Variants in RNF212 observed in about 807,000 individuals in gnomAD.
RNF212 encodes probable E3 SUMO-protein ligase RNF212.
RNF212 carries 33 observed loss-of-function variants against 34.7 expected under a neutral mutation model. That is an observed-to-expected ratio of 0.95 (90% confidence interval 0.72 to 1.27). RNF212 has a LOEUF of 1.27. Among genes scored for constraint, RNF212 ranks in the 50% most tolerant of loss-of-function variants. RNF212 has a pLI of 0.00. For synonymous variants in RNF212, 140 were observed against 136.1 expected (o/e 1.03, Z -0.20); for missense variants, 377 against 362.2 (o/e 1.04, Z -0.33).
downstream of RNF212, among the ~76,000 whole-genome samples, chr4:1,067,033 A>G (rs1009919883): frequency 2.0e-5 from 3 of 152,160 alleles, no homozygotes; most frequent in Admixed American, 6.5e-5. Context: ...TCCCAACACC[A>G]TTTCTCAAAA....
At chr4:1,097,176 T>C (rs1173110724) in intron 2 of RNF212, among the ~76,000 whole-genome samples, 1 of 152,190 alleles carries the variant, frequency 6.6e-6, no homozygotes, top group African/African-American at 2.4e-5. Flanking sequence ...CCTCCTTTAG[T>C]ATGGAGACAT....
intron 2 of RNF212, 21 bp downstream of exon 2, chr4:1,108,322 A>G: frequency 6.9e-7 from 1 of 1,445,664 alleles, no homozygotes; most frequent in Non-Finnish European, 9.3e-7. Context: ...TAAGATGCAG[A>G]TACGACACAT....
intron 3 of RNF212, among the ~76,000 whole-genome samples, chr4:1,092,610 C>T (rs992412253): frequency 6.6e-6 from 1 of 152,220 alleles, no homozygotes; most frequent in Non-Finnish European, 1.5e-5. Flanking sequence ...TTAAAAGGGA[C>T]AGTGAGTGTT....
rs572248189 is a variant in RNF212, at chr4:1,090,513, C to G, written c.303+269G>C. ...AAACTCCCAAGGCCCCAGTGTTGCC[C>G]CAGGTGGCTGAGGGGATAAGTGTGG... On this transcript the variant is annotated intron_variant, in intron 4 of 9. Coordinates refer to ENST00000433731, the MANE Select transcript of RNF212 (RefSeq NM_001131034.4). Among the ~76,000 whole-genome samples, 6 of 152,294 alleles carry G rather than the reference C, an allele frequency of 3.9e-5. No homozygotes were observed. The East Asian group carries it at 1.2e-3, about 29-fold the overall frequency.
chr4:1,102,026 T>C (rs998260929), intron 2 of RNF212, among the ~76,000 whole-genome samples: 9 of 152,000 alleles, frequency 5.9e-5, no homozygotes, highest in African/African-American at 1.9e-4. Context: ...AATTCAAAGA[T>C]AAAAATATAG....
Position 1,096,805 on chromosome 4 carries a change from A to G in RNF212, c.206T>C (p.Ile69Thr). 1 of 1,613,718 alleles carries G rather than the reference A, an allele frequency of 6.2e-7. No homozygotes were observed. Among genetic ancestry groups the G allele is most frequent in the Non-Finnish European group, 8.5e-7 (1 of 1,179,554 alleles). ...GGAGTACTTCTTACACAGACTGTCTATGCTCATGAAGAATGCCTGGATATC... is the reference window on the plus strand; with the variant it reads ...GGAGTACTTCTTACACAGACTGTCTGTGCTCATGAAGAATGCCTGGATATC... ...DADIQAFFMS[I>T]DSLCKKYSRE... Residue 69 changes from isoleucine to threonine, a missense_variant, in exon 3 of 10, where the codon ATA (isoleucine) becomes ACA (threonine). Coordinates refer to ENST00000433731, the MANE Select transcript of RNF212 (RefSeq NM_001131034.4).
intron 5 of RNF212, among the ~76,000 whole-genome samples, chr4:1,084,804 TTTGCTTGCTG>T (rs1197374228): frequency 1.4e-5 from 2 of 147,188 alleles, no homozygotes; most frequent in Non-Finnish European, 3.0e-5. Flanking sequence ...TGGCCTGGAG[TTTGCTTGCTG>T]ATGCCTGGAA....
intron 2 of RNF212, among the ~76,000 whole-genome samples, chr4:1,108,128 C>T (rs372431632): frequency 5.3e-5 from 8 of 152,306 alleles, no homozygotes; most frequent in African/African-American, 1.9e-4. Context: ...CACGATTCAA[C>T]AACCTAGGAA....
chr4:1,062,181 A>C (rs1364007179), intron 3 of RNF212, among the ~76,000 whole-genome samples: 1 of 152,198 alleles, frequency 6.6e-6, no homozygotes, highest in Non-Finnish European at 1.5e-5. Context: ...CGTTACAAGG[A>C]AAGAAGTGTG....
chr4:1,107,090 C>T (rs909687321), intron 2 of RNF212, among the ~76,000 whole-genome samples: 4 of 151,354 alleles, frequency 2.6e-5, no homozygotes, highest in African/African-American at 4.9e-5. Flanking sequence ...CTTGCTCTGT[C>T]GCCCAGGCTG....
intron 2 of RNF212, among the ~76,000 whole-genome samples, chr4:1,106,136 G>C (rs978162239): frequency 6.6e-6 from 1 of 152,170 alleles, no homozygotes; most frequent in South Asian, 2.1e-4. Flanking sequence ...TGAAGCAACA[G>C]GGAAGGGAAG....
chr4:1,104,578 A>G (rs975526099), intron 2 of RNF212, among the ~76,000 whole-genome samples: 1 of 152,170 alleles, frequency 6.6e-6, no homozygotes, highest in Non-Finnish European at 1.5e-5. Context: ...CCAGGTGCCC[A>G]GGAAGAAAGG....
intron 1 of RNF212, among the ~76,000 whole-genome samples, chr4:1,110,971 C>G (rs1002724139): frequency 6.6e-6 from 1 of 152,176 alleles, no homozygotes; most frequent in Non-Finnish European, 1.5e-5. Flanking sequence ...CAGTCACCTG[C>G]CAACGCAGAG....
intron 4 of RNF212, chr4:1,057,151 G>A (rs1043834844): frequency 4.2e-6 from 1 of 236,726 alleles, no homozygotes; most frequent in African/African-American, 2.3e-5. Flanking sequence ...ACCCCCGCCC[G>A]GCGGCCAGCA....
chr4:1,056,853 G>A (rs1560085503), intron 4 of RNF212: 44 of 987,778 alleles, frequency 4.5e-5, no homozygotes, highest in Non-Finnish European at 5.3e-5. Flanking sequence ...CACTGCCTCT[G>A]CAGCAGGCTG....
chr4:1,076,153 T>G (rs935024090), intron 8 of RNF212, among the ~76,000 whole-genome samples: 10 of 152,242 alleles, frequency 6.6e-5, no homozygotes, highest in African/African-American at 9.6e-5. Context: ...CACTTCCATC[T>G]GCATGTGAAG....
chr4:1,081,321 T>G lies in RNF212; in HGVS notation c.464+98A>C, dbSNP rs1453219452. On this transcript the variant is annotated intron_variant, in intron 7 of 9. Coordinates refer to ENST00000433731, the MANE Select transcript of RNF212 (RefSeq NM_001131034.4). Reference sequence around the variant, plus strand: ...CAGTCAACTGTATGGATTAGCAAAATCTGGGGGCTTGGAGAGGGGGTGGGG... The same window carrying G: ...CAGTCAACTGTATGGATTAGCAAAAGCTGGGGGCTTGGAGAGGGGGTGGGG... 13 of 1,024,218 alleles carry G rather than the reference T, an allele frequency of 1.3e-5. No individual in the cohort carries two copies. In the Admixed American group the frequency reaches 1.7e-4, roughly 14 times the overall value. The allele number at this position is 1,024,218 out of a possible 1,614,324, so 63.4% of individuals were successfully genotyped here. A position where few individuals can be genotyped will look rare whatever the true frequency, so the allele number is the denominator to read the frequency against.
At chr4:1,067,991 A>G (rs1343709562), downstream of RNF212, among the ~76,000 whole-genome samples, 3 of 152,232 alleles carry the variant, frequency 2.0e-5, no homozygotes, top group Non-Finnish European at 1.5e-5. Flanking sequence ...ATGGAGAGAC[A>G]TAGCACATCT....
intron 8 of RNF212, among the ~76,000 whole-genome samples, chr4:1,076,125 GCCAGACA>G (rs955742001): frequency 6.6e-6 from 1 of 152,198 alleles, no homozygotes; most frequent in African/African-American, 2.4e-5. Context: ...ATCCCGCCAA[GCCAGACA>G]CCTTAGTCAA....
Sources: gnomAD v4.1 joint callset for allele counts (sites outside exome capture counted in the v4.1 genomes callset) on GRCh38, gnomAD v4.1.1 for gene constraint, MANE v1.5 for transcripts, NCBI Gene and HGNC (gene_info 2026-07-23, HGNC 2026-07-21) for gene names.